The following DLG1 variants were observed in gnomAD, a reference collection of about 807,000 sequenced individuals.
The protein encoded by DLG1 is disks large homolog 1.
Under a neutral mutation model 123.4 loss-of-function variants are expected in DLG1, and 42 were observed. The observed-to-expected ratio is 0.34, with a 90% CI of 0.27 to 0.44. DLG1 has a LOEUF of 0.44. DLG1 is among the 20% of genes least tolerant of loss of function. DLG1 has a pLI of 1.00. For synonymous variants in DLG1, 317 were observed against 356.2 expected, an observed-to-expected ratio of 0.89 and a Z score of 1.24; for missense variants, 942 against 1,082.6, an observed-to-expected ratio of 0.87 and a Z score of 1.82.
chr3:197,218,029 A>C (rs919998310), intron 4 of DLG1, among the ~76,000 whole-genome samples: 20 of 152,170 alleles, frequency 1.3e-4, no homozygotes, highest in Non-Finnish European at 2.5e-4. Flanking sequence ...ATTTTTCATT[A>C]CTCCTTTATT....
At chr3:197,048,641 C>T (rs1725069729) in intron 24 of DLG1, among the ~76,000 whole-genome samples, 1 of 152,068 alleles carries the variant, frequency 6.6e-6, no homozygotes, top group South Asian at 2.1e-4. Flanking sequence ...GTGGACATTC[C>T]TCAAGAAATT....
intron 14 of DLG1, among the ~76,000 whole-genome samples, chr3:197,095,252 C>T (rs192622813): frequency 6.6e-6 from 1 of 152,280 alleles, no homozygotes; most frequent in East Asian, 1.9e-4. Flanking sequence ...TATATAACTA[C>T]AAAACCATCA....
At chr3:197,267,689 C>A (rs996702763) in intron 4 of DLG1, among the ~76,000 whole-genome samples, 4 of 152,104 alleles carry the variant, frequency 2.6e-5, no homozygotes, top group African/African-American at 9.7e-5. Flanking sequence ...AATTCAGGCA[C>A]ACCTTAAACA....
At chr3:197,260,087 C>T (rs1166981868) in intron 4 of DLG1, among the ~76,000 whole-genome samples, 1 of 152,176 alleles carries the variant, frequency 6.6e-6, no homozygotes, top group Non-Finnish European at 1.5e-5. Context: ...ATCTAAAACA[C>T]ATTTCAAAAT....
Position 197,136,528 on chromosome 3 carries a change from T to C in DLG1, c.1020+14A>G. 1 of 1,596,260 alleles carries C rather than the reference T, an allele frequency of 6.3e-7. No individual in the cohort carries two copies. The highest frequency in any genetic ancestry group is 2.2e-5 in the East Asian group (1 of 44,628). On this transcript the variant is annotated intron_variant, in intron 10 of 24. Coordinates refer to ENST00000667157, the MANE Select transcript of DLG1 (RefSeq NM_001366207.1). ...ACAAAATGATTTAAAAGACAATAGA[T>C]TTCTTATACTTACTGCTAAAAGTTT...
chr3:197,226,798 C>T (rs1478221747), intron 4 of DLG1, among the ~76,000 whole-genome samples: 1 of 152,200 alleles, frequency 6.6e-6, no homozygotes, highest in African/African-American at 2.4e-5. Context: ...GTTTAACTCA[C>T]CGACATATCA....
chr3:197,107,602 A>C (rs1767297269), intron 13 of DLG1, among the ~76,000 whole-genome samples: 1 of 151,890 alleles, frequency 6.6e-6, no homozygotes, highest in Admixed American at 6.6e-5. Flanking sequence ...ACTTTTGTTG[A>C]TCCATGTCCT....
rs552453234 is a variant in DLG1 at position 197,139,305 on chromosome 3, A to G, written c.713+835T>C. ...TAACAGAATCAGGAAGTAAATGTCT[A>G]CATTTACATGAATGGTCAAATGATT... On this transcript the variant is annotated intron_variant, in intron 8 of 24. Transcript: ENST00000667157. 3.9e-5 allele frequency among the ~76,000 whole-genome samples: 6 copies of G among 152,328 alleles called. No homozygotes were observed. In the East Asian group the frequency reaches 1.2e-3, roughly 29 times the overall value.
At chr3:197,231,201 A>G (rs1015859598) in intron 4 of DLG1, among the ~76,000 whole-genome samples, 1 of 146,736 alleles carries the variant, frequency 6.8e-6, no homozygotes, top group Non-Finnish European at 1.5e-5. Flanking sequence ...TTTTTCTTAA[A>G]TTACGTGAAG....
intron 4 of DLG1, chr3:197,260,159 C>T: frequency 3.5e-6 from 1 of 288,540 alleles, no homozygotes; most frequent in Non-Finnish European, 6.9e-6. Flanking sequence ...ATTTTCAAAT[C>T]TATAACAATG....
At chr3:197,244,200 C>T (rs149880025) in intron 4 of DLG1, among the ~76,000 whole-genome samples, 6 of 152,246 alleles carry the variant, frequency 3.9e-5, no homozygotes, top group African/African-American at 1.4e-4. Flanking sequence ...GCTTGATGGC[C>T]CTTGGGGGCT....
intron 3 of DLG1, among the ~76,000 whole-genome samples, chr3:197,295,316 G>A (rs964611292): frequency 6.6e-6 from 1 of 152,100 alleles, no homozygotes; most frequent in Admixed American, 6.5e-5. Context: ...TAATGTACCT[G>A]ACAGGACACA....
chr3:197,229,726 T>C (rs1201083366), intron 4 of DLG1, among the ~76,000 whole-genome samples: 1 of 152,258 alleles, frequency 6.6e-6, no homozygotes, highest in Admixed American at 6.5e-5. Context: ...CTGTGACACA[T>C]GTTCATTCTA....
At chr3:197,064,938 C>A (rs532445616) in intron 22 of DLG1, among the ~76,000 whole-genome samples, 1 of 151,978 alleles carries the variant, frequency 6.6e-6, no homozygotes, top group African/African-American at 2.4e-5. Context: ...TTCTCAGTAG[C>A]TAGGACTGTA....
At chr3:197,295,168 T>C (rs1776823995) in intron 3 of DLG1, among the ~76,000 whole-genome samples, 1 of 152,168 alleles carries the variant, frequency 6.6e-6, no homozygotes, top group South Asian at 2.1e-4. Flanking sequence ...TAAAAGGCAG[T>C]TCATTACACT....
At chr3:197,162,324 C>A (rs1481515990) in intron 5 of DLG1, among the ~76,000 whole-genome samples, 2 of 152,022 alleles carry the variant, frequency 1.3e-5, no homozygotes, top group African/African-American at 4.8e-5. Context: ...ATAAATTAAA[C>A]TAAAAAGTTC....
intron 4 of DLG1, among the ~76,000 whole-genome samples, chr3:197,264,551 C>T (rs561795435): frequency 7.2e-5 from 11 of 152,176 alleles, no homozygotes; most frequent in Admixed American, 3.3e-4. Flanking sequence ...CTCAGCCTCC[C>T]GAGTAGCTGG....
chr3:197,275,185 C>CA (rs59857108), intron 4 of DLG1, among the ~76,000 whole-genome samples: 57,861 of 123,736 alleles, frequency 0.47, 12,222 homozygotes, highest in East Asian at 0.72. Flanking sequence ...GACTCTGTCT[C>CA]AAAAAAAAAA....
chr3:197,127,438 A>G (rs1779782590), intron 11 of DLG1, among the ~76,000 whole-genome samples: 1 of 44,522 alleles, frequency 2.2e-5, no homozygotes, highest in African/African-American at 1.0e-4. Flanking sequence ...AAAAAAAAAA[A>G]AAAAAAAAAA....
Sources: gnomAD v4.1 joint callset for allele counts (sites outside exome capture counted in the v4.1 genomes callset) on GRCh38, gnomAD v4.1.1 for gene constraint, MANE v1.5 for transcripts, NCBI Gene and HGNC (gene_info 2026-07-23, HGNC 2026-07-21) for gene names.